The following TAFA2 variants were observed in gnomAD, a reference collection of about 807,000 sequenced individuals.
TAFA2 encodes TAFA chemokine like family member 2, also known as chemokine-like protein TAFA-2.
A neutral mutation model predicts 18.8 loss-of-function variants in TAFA2; 7 were observed. The ratio of observed to expected loss-of-function variants is 0.37; its 90% CI spans 0.21 to 0.70. The LOEUF is 0.70. TAFA2 is among the 30% of genes least tolerant of loss of function. The probability of loss-of-function intolerance (pLI) is 0.53; values close to 1 mark genes in which losing one functional copy is unlikely to be tolerated. For synonymous variants in TAFA2, 60 were observed against 54.2 expected (o/e 1.11, Z -0.47); for missense variants, 122 against 158.1 (o/e 0.77, Z 1.23).
At chr12:61,747,416 G>A (rs1443713320) in intron 4 of TAFA2, among the ~76,000 whole-genome samples, 8 of 147,054 alleles carry the variant, frequency 5.4e-5, no homozygotes, top group South Asian at 2.2e-4. Flanking sequence ...ACATGCACAC[G>A]TATGTTTATT....
chr12:61,837,702 G>T (rs1872991633), intron 2 of TAFA2, among the ~76,000 whole-genome samples: 1 of 152,008 alleles, frequency 6.6e-6, no homozygotes, highest in Non-Finnish European at 1.5e-5. Flanking sequence ...CAGAACAAGA[G>T]AAATATAGCT....
intron 1 of TAFA2, among the ~76,000 whole-genome samples, chr12:61,921,318 T>G (rs1248210466): frequency 6.6e-6 from 1 of 151,874 alleles, no homozygotes; most frequent in African/African-American, 2.4e-5. Flanking sequence ...TAGGCCAGAG[T>G]GGTAGCAGTG....
chr12:62,143,446 C>T (rs552599703), intron 1 of TAFA2, among the ~76,000 whole-genome samples: 49 of 152,314 alleles, frequency 3.2e-4, no homozygotes, highest in Non-Finnish European at 6.0e-4. Context: ...TTTTCCCCTG[C>T]TGAAATTCTT....
chr12:61,838,302 A>C (rs1194291162), intron 2 of TAFA2, among the ~76,000 whole-genome samples: 1 of 151,984 alleles, frequency 6.6e-6, no homozygotes. Context: ...TCCTGCCCTT[A>C]ATACAGTTAT....
chr12:62,139,014 A>G (rs1031864922), intron 1 of TAFA2, among the ~76,000 whole-genome samples: 3 of 152,162 alleles, frequency 2.0e-5, no homozygotes, highest in African/African-American at 7.2e-5. Context: ...AATTAGATAT[A>G]TAAGTGAGGA....
intron 1 of TAFA2, among the ~76,000 whole-genome samples, chr12:62,081,759 A>G (rs1565738359): frequency 6.6e-6 from 1 of 152,070 alleles, no homozygotes; most frequent in Non-Finnish European, 1.5e-5. Flanking sequence ...TGCTGTGATT[A>G]CAGGCATGAG....
At chr12:61,721,111 A>C (rs1869876412) in intron 4 of TAFA2, among the ~76,000 whole-genome samples, 5 of 152,170 alleles carry the variant, frequency 3.3e-5, no homozygotes, top group Admixed American at 3.3e-4. Context: ...ATCTTAGTAC[A>C]TCATTTTTTA....
chr12:61,877,103 G>A (rs565830386), intron 1 of TAFA2, among the ~76,000 whole-genome samples: 1 of 152,290 alleles, frequency 6.6e-6, no homozygotes, highest in South Asian at 2.1e-4. Flanking sequence ...AAGCAACTGA[G>A]AACTCAACTG....
chr12:61,926,091 GA>G (rs1307006645), intron 1 of TAFA2, among the ~76,000 whole-genome samples: 1 of 152,112 alleles, frequency 6.6e-6, no homozygotes, highest in Non-Finnish European at 1.5e-5. Flanking sequence ...AAATAAACTA[GA>G]AAATCTAGAA....
chr12:61,900,358 C>T (rs1269521549), intron 1 of TAFA2, among the ~76,000 whole-genome samples: 1 of 152,186 alleles, frequency 6.6e-6, no homozygotes, highest in Non-Finnish European at 1.5e-5. Flanking sequence ...CCACACATTG[C>T]CAACACTTGA....
At chr12:61,871,303 G>A (rs1874592800) in intron 1 of TAFA2, among the ~76,000 whole-genome samples, 1 of 152,162 alleles carries the variant, frequency 6.6e-6, no homozygotes, top group Non-Finnish European at 1.5e-5. Flanking sequence ...AAAGCTGAAT[G>A]TACATTTCTT....
chr12:62,071,450 A>C (rs1419653074), intron 1 of TAFA2, among the ~76,000 whole-genome samples: 6 of 152,154 alleles, frequency 3.9e-5, no homozygotes. Context: ...TTCAAGCAGG[A>C]GAGCAACATG....
chr12:62,103,467 A>C (rs1047128818), intron 1 of TAFA2, among the ~76,000 whole-genome samples: 1 of 152,188 alleles, frequency 6.6e-6, no homozygotes. Flanking sequence ...CCGGCCAGGC[A>C]TGGTGGCTCA....
chr12:61,979,943 T>C (rs1183304225), intron 1 of TAFA2, among the ~76,000 whole-genome samples: 4 of 152,134 alleles, frequency 2.6e-5, no homozygotes, highest in African/African-American at 7.2e-5. Flanking sequence ...CCATATCTCA[T>C]AGGCAAGATT....
At chr12:61,941,201 A>G (rs1218802695) in intron 1 of TAFA2, among the ~76,000 whole-genome samples, 1 of 152,190 alleles carries the variant, frequency 6.6e-6, no homozygotes, top group African/African-American at 2.4e-5. Context: ...AACAGTACCA[A>G]AACAAAAACT....
chr12:61,720,674 A>G lies in TAFA2; in HGVS notation c.385-10257T>C, dbSNP rs1024245383. 12 of 347,394 alleles carry G rather than the reference A, an allele frequency of 3.5e-5. No homozygotes were observed. The Admixed American group carries it at 4.7e-4, about 14-fold the overall frequency. The allele number at this position is 347,394 out of a possible 1,614,324, so 21.5% of individuals were successfully genotyped here. A position where few individuals can be genotyped will look rare whatever the true frequency, so the allele number is the denominator to read the frequency against. ...ATAGGTCACAGTTAATCCTGTTAGC[A>G]CCATGTACACACCTGCTGCTTTAAA... On this transcript the variant is annotated intron_variant, in intron 4 of 4. Transcript: ENST00000416284.
intron 1 of TAFA2, among the ~76,000 whole-genome samples, chr12:62,248,684 A>G (rs967091745): frequency 1.3e-5 from 2 of 152,126 alleles, no homozygotes; most frequent in African/African-American, 2.4e-5. Context: ...CCAGCTCTCC[A>G]TATCTCCTTC....
chr12:62,257,779 T>G (rs2062947710), intron 1 of TAFA2, among the ~76,000 whole-genome samples: 1 of 152,228 alleles, frequency 6.6e-6, no homozygotes, highest in South Asian at 2.1e-4. Context: ...ATATAATCCC[T>G]GATTTATATT....
chr12:61,794,671 C>T (rs979038928), intron 2 of TAFA2, among the ~76,000 whole-genome samples: 1 of 151,878 alleles, frequency 6.6e-6, no homozygotes, highest in Non-Finnish European at 1.5e-5. Context: ...TTATAAGCAG[C>T]CACTAAAAGT....
Sources: gnomAD v4.1 joint callset for allele counts (sites outside exome capture counted in the v4.1 genomes callset) on GRCh38, gnomAD v4.1.1 for gene constraint, MANE v1.5 for transcripts, NCBI Gene and HGNC (gene_info 2026-07-23, HGNC 2026-07-21) for gene names.